Variants in ANO2 observed in about 807,000 individuals in gnomAD.
The protein encoded by ANO2 is anoctamin 2.
A neutral mutation model predicts 124.2 loss-of-function variants in ANO2; 101 were observed. The observed-to-expected ratio is 0.81, with a 90% CI of 0.69 to 0.96. ANO2 has a LOEUF of 0.96. ANO2 is among the 40% of genes least tolerant of loss of function. The pLI, the probability that ANO2 is intolerant of heterozygous loss-of-function variation, is 0.00. For missense variants in ANO2, 1,293 were observed against 1,274.5 expected, an observed-to-expected ratio of 1.01 and a Z score of -0.22; for synonymous variants, 486 against 482.5, an observed-to-expected ratio of 1.01 and a Z score of -0.09.
intron 3 of ANO2, among the ~76,000 whole-genome samples, chr12:5,915,365 G>T (rs1393699473): frequency 6.6e-6 from 1 of 152,154 alleles, no homozygotes; most frequent in African/African-American, 2.4e-5. Context: ...CACAAAAAAT[G>T]AAAAAGTGAA....
chr12:5,794,014 G>C (rs1214690966), intron 10 of ANO2, among the ~76,000 whole-genome samples: 1 of 152,138 alleles, frequency 6.6e-6, no homozygotes, highest in Non-Finnish European at 1.5e-5. Flanking sequence ...CTATAAAATG[G>C]ACCAGAATGT....
chr12:5,683,215 T>A (rs775776739), intron 14 of ANO2, among the ~76,000 whole-genome samples: 1 of 152,096 alleles, frequency 6.6e-6, no homozygotes, highest in Non-Finnish European at 1.5e-5. Context: ...AACTCCACAA[T>A]TAAAGGTAGA....
At chr12:5,724,042 G>C (rs191661343) in intron 14 of ANO2, among the ~76,000 whole-genome samples, 1 of 152,208 alleles carries the variant, frequency 6.6e-6, no homozygotes, top group African/African-American at 2.4e-5. Context: ...GTACAGGAGA[G>C]AACAAAGGTC....
At chr12:5,760,964 G>C (rs1474677879) in intron 10 of ANO2, among the ~76,000 whole-genome samples, 1 of 151,372 alleles carries the variant, frequency 6.6e-6, no homozygotes, top group Non-Finnish European at 1.5e-5. Flanking sequence ...AGCCTGGCAG[G>C]CTCTGCTCTA....
In ANO2 at chr12:5,923,454, C is replaced by T. The variant is rs183126463; in HGVS notation, c.23-650G>A. Among the ~76,000 whole-genome samples, 162 of 152,326 alleles carry T rather than the reference C, an allele frequency of 1.1e-3. 1 individual carries two copies. The highest frequency in any genetic ancestry group is 3.8e-3 in the African/African-American group (157 of 41,564). ...AAAGGCTTAGGCTTTGGGCCTCTCC[C>T]GTGGCAGCAGCACCAGCTGGCACCC... On this transcript the variant is annotated intron_variant, in intron 1 of 24. Coordinates refer to ENST00000682330, the MANE Select transcript of ANO2 (RefSeq NM_001364791.2).
intron 7 of ANO2, among the ~76,000 whole-genome samples, chr12:5,820,074 T>C (rs1366926163): frequency 6.6e-6 from 1 of 152,210 alleles, no homozygotes; most frequent in Non-Finnish European, 1.5e-5. Flanking sequence ...ATTTGAATTA[T>C]AAAAACAGAG....
chr12:5,685,546 G>T (rs1948667739), intron 14 of ANO2, among the ~76,000 whole-genome samples: 1 of 152,244 alleles, frequency 6.6e-6, no homozygotes, highest in African/African-American at 2.4e-5. Context: ...ACATTTGGGA[G>T]GCAGAGGCTG....
chr12:5,827,630 A>G, intron 7 of ANO2, 139 bp downstream of exon 7: 1 of 1,037,038 alleles, frequency 9.6e-7, no homozygotes, highest in Non-Finnish European at 1.4e-6. Context: ...CAGGCTTCTC[A>G]GCCCAAGCTA....
At chr12:5,578,806 A>G (rs1311008073) in intron 20 of ANO2, among the ~76,000 whole-genome samples, 1 of 152,250 alleles carries the variant, frequency 6.6e-6, no homozygotes, top group Non-Finnish European at 1.5e-5. Context: ...ACTGCCAGTC[A>G]CTAATCCTAC....
chr12:5,612,784 G>T (rs748171575), intron 18 of ANO2, 28 bp from the exon 19 acceptor site: 1 of 1,611,982 alleles, frequency 6.2e-7, no homozygotes, highest in African/African-American at 1.3e-5. Context: ...GGAAAGGACC[G>T]GTTAGAACAA....
At chr12:5,913,882 C>G in intron 3 of ANO2, among the ~76,000 whole-genome samples, 1 of 152,156 alleles carries the variant, frequency 6.6e-6, no homozygotes, top group East Asian at 1.9e-4. Flanking sequence ...CGACCTCTTC[C>G]TGAAAAGGAG....
At position 5,612,741 on chromosome 12, in the gene ANO2, A is replaced by G. The variant is rs762593801; in HGVS notation, c.2002T>C (p.Cys668Arg). ...YRMEECAPGGCLMELCIQLSI... is the reference protein window; with the variant it reads ...YRMEECAPGGRLMELCIQLSI... ...AGCTGAATGCAGAGCTCCATGAGAC[A>G]GCCCCCTGGAGCACACTGCAGGGAG... The change falls in exon 19 of 25, where the codon TGT becomes CGT. Residue 668 changes from cysteine to arginine, a missense_variant. Cys to Arg is a radical substitution (Grantham distance 180). Coordinates refer to ENST00000682330, the MANE Select transcript of ANO2 (RefSeq NM_001364791.2). 3 of 1,613,872 alleles carry G rather than the reference A, an allele frequency of 1.9e-6. No individual in the cohort carries two copies. In the Admixed American group the frequency reaches 5.0e-5, roughly 27 times the overall value.
chr12:5,892,737 A>T (rs2136273720), intron 3 of ANO2, among the ~76,000 whole-genome samples: 1 of 152,316 alleles, frequency 6.6e-6, no homozygotes, highest in East Asian at 1.9e-4. Flanking sequence ...AAACTAAGGT[A>T]ATTTATTGCC....
Position 5,732,595 on chromosome 12 carries a change from T to C in ANO2, c.1470A>G (p.Arg490=). 1.2e-6 allele frequency: 2 copies of C among 1,613,944 alleles called. No homozygotes were observed. The highest frequency in any genetic ancestry group is 1.7e-6 in the Non-Finnish European group (2 of 1,179,862). Residue 490 remains arginine, a synonymous_variant, in exon 14 of 25, where the codon CGA becomes CGG. Coordinates refer to ENST00000682330, the MANE Select transcript of ANO2 (RefSeq NM_001364791.2). ...HSRPEYETKV[R]EKMLKESNQS... ...GGTTGCTCTCCTTTAGCATTTTCTC[T>C]CGAACTTTGGTTTCATACTCAGGCC... is the stretch of plus-strand genomic sequence containing the variant.
chr12:5,888,918 C>A (rs563538999), intron 3 of ANO2, among the ~76,000 whole-genome samples: 1 of 152,204 alleles, frequency 6.6e-6, no homozygotes, highest in African/African-American at 2.4e-5. Context: ...CTTGGGTGGT[C>A]GAAGGGACTG....
rs1247117668 is a variant in ANO2, at chr12:5,925,371, T to A, written c.23-2567A>T. On this transcript the variant is annotated intron_variant, in intron 1 of 24. Coordinates refer to ENST00000682330, the MANE Select transcript of ANO2 (RefSeq NM_001364791.2). This position sits in a 1 kb window ranked among gnomAD's most constrained non-coding sequence, Gnocchi z 4.6. ...GCAGTTGCTCCCCCGGCTCGCTCTC[T>A]GACACACGGATCCGGCTGCCTGGGA... 6.6e-6 allele frequency among the ~76,000 whole-genome samples: 1 copy of A among 152,218 alleles called. No individual in the cohort carries two copies. Among genetic ancestry groups the A allele is most frequent in the African/African-American group, 2.4e-5 (1 of 41,446 alleles).
chr12:5,635,833 G>T lies in ANO2; in HGVS notation c.1621-486C>A, dbSNP rs1945989119. ...CAAGTACACGGGAGAAAGTAAATTT[G>T]AGTGGTCAGGGAATAGTTTGTGGAG... On this transcript the variant is annotated intron_variant, in intron 15 of 24. Coordinates refer to ENST00000682330, the MANE Select transcript of ANO2 (RefSeq NM_001364791.2). The surrounding 1 kb of genome is among the most constrained non-coding windows in gnomAD (Gnocchi z 5.2). 6.6e-6 allele frequency among the ~76,000 whole-genome samples: 1 copy of T among 152,182 alleles called. No individual in the cohort carries two copies. The highest frequency in any genetic ancestry group is 2.4e-5 in the African/African-American group (1 of 41,440).
At chr12:5,863,347 A>G (rs1159379160) in intron 3 of ANO2, among the ~76,000 whole-genome samples, 1 of 152,160 alleles carries the variant, frequency 6.6e-6, no homozygotes, top group Non-Finnish European at 1.5e-5. Flanking sequence ...TACTTCAGAA[A>G]TCCTACAGGT....
intron 15 of ANO2, among the ~76,000 whole-genome samples, chr12:5,640,158 TCTC>T (rs1259849153): frequency 6.6e-6 from 1 of 152,166 alleles, no homozygotes; most frequent in African/African-American, 2.4e-5. Flanking sequence ...ATTTCTTTGC[TCTC>T]ATCACCCCAT....
Sources: gnomAD v4.1 joint callset for allele counts (sites outside exome capture counted in the v4.1 genomes callset) on GRCh38, gnomAD v4.1.1 for gene constraint, Gnocchi (gnomAD v3.1) non-coding constraint, MANE v1.5 for transcripts, NCBI Gene and HGNC (gene_info 2026-07-23, HGNC 2026-07-21) for gene names.